The following LYPD5 variants were observed in gnomAD, a reference collection of about 807,000 sequenced individuals.
The protein encoded by LYPD5 is LY6/PLAUR domain containing 5.
Under a neutral mutation model 19.1 loss-of-function variants are expected in LYPD5, and 21 were observed. That is an observed-to-expected ratio of 1.10 (90% CI 0.78 to 1.58). The LOEUF (loss-of-function observed/expected upper bound fraction) is 1.58, where lower values mean the gene tolerates loss of function less well. Among genes scored for constraint, LYPD5 ranks in the 40% most tolerant of loss-of-function variants. The probability of loss-of-function intolerance (pLI) is 0.00; values close to 1 mark genes in which losing one functional copy is unlikely to be tolerated. For missense variants in LYPD5, 287 were observed against 329.8 expected (o/e 0.87, Z 1.00); for synonymous variants, 128 against 142.7 (o/e 0.90, Z 0.74).
intron 1 of LYPD5, among the ~76,000 whole-genome samples, chr19:43,819,283 CTTTTTTTTT>C (rs560659624): frequency 9.0e-6 from 1 of 110,516 alleles, no homozygotes; most frequent in African/African-American, 3.4e-5. Context: ...TCTTCTTCTT[CTTTTTTTTT>C]TTTTTTTTTT....
chr19:43,797,306 T>C lies in LYPD5; in HGVS notation c.*285A>G. 2.5e-6 allele frequency: 1 copy of C among 404,052 alleles called. No individual in the cohort carries two copies. 25.0% of individuals were successfully genotyped at this position (404,052 alleles called of 1,614,324 possible). A position where few individuals can be genotyped will look rare whatever the true frequency, so the allele number is the denominator to read the frequency against. On this transcript the variant is annotated 3_prime_UTR_variant, in exon 5 of 5. Transcript: ENST00000377950. ...ACAGGAAGCCGTGTTATGGGGTGCC[T>C]GGTGCCTGGCTGGTGCTCAGTGAGT...
At chr19:43,808,140 C>A (rs1970286921) in intron 1 of LYPD5, among the ~76,000 whole-genome samples, 1 of 152,192 alleles carries the variant, frequency 6.6e-6, no homozygotes, top group Non-Finnish European at 1.5e-5. Flanking sequence ...GAGACAGAGT[C>A]TCACTCTGTT....
chr19:43,810,983 C>T (rs1374204848), intron 1 of LYPD5, among the ~76,000 whole-genome samples: 1 of 152,108 alleles, frequency 6.6e-6, no homozygotes, highest in Admixed American at 6.5e-5. Context: ...CCACCCACAG[C>T]GTGATCAAAC....
At chr19:43,808,099 T>C (rs1323671427) in intron 1 of LYPD5, among the ~76,000 whole-genome samples, 1 of 152,216 alleles carries the variant, frequency 6.6e-6, no homozygotes, top group Non-Finnish European at 1.5e-5. Flanking sequence ...CTACCGTTAC[T>C]GTCTTTTGGA....
At chr19:43,801,317 T>C (rs1220325895) in intron 1 of LYPD5, among the ~76,000 whole-genome samples, 3 of 152,014 alleles carry the variant, frequency 2.0e-5, no homozygotes, top group African/African-American at 7.2e-5. Context: ...CTGGGCAACA[T>C]AGTGAAACCC....
rs1413421361 is a variant in LYPD5 at position 43,797,689 on chromosome 19, G to C, written c.658C>G (p.Gln220Glu). The C allele has an allele frequency of 1.9e-6, 3 of 1,613,722 alleles. No individual in the cohort carries two copies. Among genetic ancestry groups the C allele is most frequent in the Non-Finnish European group, 2.5e-6 (3 of 1,179,902 alleles). Residue 220 changes from glutamine to glutamate, a missense_variant, in exon 5 of 5, where the codon CAG becomes GAG. Gln to Glu is a conservative substitution (Grantham distance 29). Transcript: ENST00000377950. ...GYLCNRKSMT[Q>E]PFTSASATTP... ...GTGGCTGAAGCACTGGTGAAGGGCT[G>C]GGTCATGGATTTCCTGTTGCAGAGG...
chr19:43,797,962 A>G, intron 4 of LYPD5, 133 bp from the exon 5 acceptor site: 1 of 704,182 alleles, frequency 1.4e-6, no homozygotes, highest in Non-Finnish European at 2.4e-6. Context: ...GACCAGGGCC[A>G]GGCCTCCCTC....
intron 1 of LYPD5, 125 bp downstream of exon 1, chr19:43,802,192 G>A (rs1445938222): frequency 1.7e-5 from 12 of 719,334 alleles, no homozygotes; most frequent in South Asian, 1.5e-4. Flanking sequence ...TCAGACCCAG[G>A]AGATCAGGCC....
chr19:43,800,036 G>A (rs56103707), intron 1 of LYPD5: 194,564 of 516,656 alleles, frequency 0.38, 41,701 homozygotes, highest in South Asian at 0.57. Context: ...CTCTGCAGCT[G>A]ACAGTCCAGT....
chr19:43,800,008 A>C, intron 1 of LYPD5, 174 bp from the exon 2 acceptor site: 2 of 724,982 alleles, frequency 2.8e-6, no homozygotes, highest in Non-Finnish European at 4.3e-6. Context: ...TGTCTGTCTC[A>C]TGGCAGAGTA....
Position 43,798,467 on chromosome 19 carries a change from T to C in LYPD5, c.505A>G (p.Arg169Gly), listed in dbSNP as rs2146492734. ...TCCAGCCCCTTACCAACTGTCATTC[T>C]GCCATTGCCCTGGAAGCAGGCGGTC... is the stretch of plus-strand genomic sequence containing the variant. ...DQTACFQGNG[R>G]MTVGNFSVPV... is the part of the protein sequence containing the mutation. The change falls in exon 4 of 5, where the codon AGA (arginine) becomes GGA (glycine). Residue 169 changes from arginine to glycine, a missense_variant. Arg to Gly is a moderately radical substitution (Grantham distance 125). Transcript: ENST00000377950. The C allele has an allele frequency of 5.6e-6, 9 of 1,607,462 alleles. No individual in the cohort carries two copies. Among genetic ancestry groups the C allele is most frequent in the Middle Eastern group, 3.3e-4 (2 of 6,062 alleles).
chr19:43,798,838 T>A lies in LYPD5; in HGVS notation c.344A>T (p.His115Leu). The change falls in exon 3 of 5, where the codon CAT (histidine) becomes CTT (leucine). Residue 115 changes from histidine to leucine, a missense_variant. His to Leu is a moderately conservative substitution (Grantham distance 99). Coordinates refer to ENST00000377950, the MANE Select transcript of LYPD5 (RefSeq NM_001031749.3). ...TTGGCTCAGGTTGGGGAGGGCGTCA[T>A]GAGTCATGAGGTGGGCGTTGCATTT... is the stretch of plus-strand genomic sequence containing the variant. ...TDKCNAHLMT[H>L]DALPNLSQAP... 6.2e-7 allele frequency: 1 copy of A among 1,610,908 alleles called. No homozygotes were observed. Among genetic ancestry groups the A allele is most frequent in the South Asian group, 1.1e-5 (1 of 90,454 alleles).
intron 1 of LYPD5, among the ~76,000 whole-genome samples, chr19:43,812,542 C>T (rs547511041): frequency 5.4e-4 from 83 of 152,328 alleles, no homozygotes; most frequent in African/African-American, 2.0e-3. Context: ...TTCTCCAATT[C>T]AATTCTTCCC....
chr19:43,801,874 G>A (rs1473090383), intron 1 of LYPD5, among the ~76,000 whole-genome samples: 2 of 152,204 alleles, frequency 1.3e-5, no homozygotes, highest in Non-Finnish European at 2.9e-5. Context: ...TTATGTTCCT[G>A]TCCTAGCCCA....
At position 43,798,563 on chromosome 19, in the gene LYPD5, C is replaced by T. The variant is rs764495082; in HGVS notation, c.409G>A (p.Ala137Thr). The T allele has an allele frequency of 3.1e-6, 5 of 1,611,518 alleles. No homozygotes were observed. The highest frequency in any genetic ancestry group is 2.2e-5 in the East Asian group (1 of 44,884). The change falls in exon 4 of 5, where the codon GCC (alanine) becomes ACC (threonine). Residue 137 changes from alanine (A) to threonine (T), a missense_variant. By Grantham distance (58) the Ala-to-Thr change is moderately conservative. Transcript: ENST00000377950. ...PPTLSGAECYACIGVHQDDCA... is the reference protein window; with the variant it reads ...PPTLSGAECYTCIGVHQDDCA... The stretch of plus-strand genomic sequence containing the variant: ...TCATCCTGGTGGACCCCGATACAGG[C>T]GTAGCACTCGGCGCCGCTGAGCGTC...
chr19:43,801,706 A>T (rs1463065520), intron 1 of LYPD5, among the ~76,000 whole-genome samples: 1 of 152,200 alleles, frequency 6.6e-6, no homozygotes, highest in East Asian at 1.9e-4. Context: ...ACACACAAGC[A>T]CAGAGACTCA....
chr19:43,818,268 C>A (rs1239374482), intron 1 of LYPD5, among the ~76,000 whole-genome samples: 7 of 152,092 alleles, frequency 4.6e-5, no homozygotes, highest in Non-Finnish European at 1.0e-4. Context: ...ACAGGGAGGA[C>A]CCTGAGAAGA....
Position 43,812,309 on chromosome 19 carries a change from G to A in LYPD5, c.-66+8231C>T, listed in dbSNP as rs551762572. Reference sequence around the variant, plus strand: ...ACACTAACAAAAGGTGTGGATAGAGGGAGGGGAATGATTTGTGGTTATTTT... The same window carrying A: ...ACACTAACAAAAGGTGTGGATAGAGAGAGGGGAATGATTTGTGGTTATTTT... On this transcript the variant is annotated intron_variant, in intron 1 of 4. Transcript: ENST00000414615. Among the ~76,000 whole-genome samples, 3 of 151,314 alleles carry A rather than the reference G, an allele frequency of 2.0e-5. No homozygotes were observed. In the East Asian group the frequency reaches 5.9e-4, roughly 30 times the overall value.
Position 43,802,350 on chromosome 19 carries a change from G to A in LYPD5, c.31C>T (p.Leu11Phe). Residue 11 changes from leucine to phenylalanine, a missense_variant, in exon 1 of 5, where the codon CTC (leucine) becomes TTC (phenylalanine). By Grantham distance (22) the Leu-to-Phe change is conservative. Coordinates refer to ENST00000377950, the MANE Select transcript of LYPD5 (RefSeq NM_001031749.3). MAMGVPRVILLCLFGAALCLT... is the reference protein window; with the variant it reads MAMGVPRVILFCLFGAALCLT... ...CAGAGCGCAGCCCCAAAGAGGCAGA[G>A]CAGAATGACTCTGGGGACCCCCATT... is the stretch of plus-strand genomic sequence containing the variant. 3.2e-6 allele frequency: 5 copies of A among 1,551,700 alleles called. No individual in the cohort carries two copies. Among genetic ancestry groups the A allele is most frequent in the Non-Finnish European group, 3.5e-6 (4 of 1,146,984 alleles).
Sources: allele counts gnomAD v4.1 joint callset (sites outside exome capture counted in the v4.1 genomes callset), GRCh38; gene constraint gnomAD v4.1.1; transcripts MANE v1.5; gene names NCBI Gene and HGNC (gene_info 2026-07-23, HGNC 2026-07-21).